The following TARDBP variants were observed in gnomAD, a reference collection of about 807,000 sequenced individuals.
TARDBP encodes TAR DNA binding protein.
Under a neutral mutation model 38.3 loss-of-function variants are expected in TARDBP, and 4 were observed. That is an observed-to-expected ratio of 0.10 (90% confidence interval 0.05 to 0.24). TARDBP has a LOEUF of 0.24. Ranked by LOEUF, TARDBP falls within the 10% of genes least tolerant of loss-of-function variation. The pLI is 1.00. For synonymous variants in TARDBP, 184 were observed against 183.8 expected, an observed-to-expected ratio of 1.00 and a Z score of -0.01; for missense variants, 202 against 521.9, an observed-to-expected ratio of 0.39 and a Z score of 5.97.
chr1:11,014,951 C>T (rs1021737013), intron 2 of TARDBP, among the ~76,000 whole-genome samples: 3 of 148,946 alleles, frequency 2.0e-5, no homozygotes, highest in African/African-American at 7.4e-5. Flanking sequence ...CAAAAAAAAA[C>T]GAAAACAAAA....
intron 5 of TARDBP, 64 bp downstream of exon 5, chr1:11,020,663 C>CT: frequency 6.8e-7 from 1 of 1,465,058 alleles, no homozygotes; most frequent in Non-Finnish European, 9.0e-7. Flanking sequence ...AATCCCAGCA[C>CT]TTTGGAGGCC....
chr1:11,026,821 G>A (rs1011130298), downstream of TARDBP: 66 of 1,377,158 alleles, frequency 4.8e-5, no homozygotes, highest in Middle Eastern at 3.9e-4. Flanking sequence ...CTCGAGCCAC[G>A]TCGCTGCCAA....
chr1:11,027,415 G>C, downstream of TARDBP: 1 of 1,614,208 alleles, frequency 6.2e-7, no homozygotes. Context: ...GACCAGGCTT[G>C]TGTATAATGA....
At chr1:11,013,231 C>A (rs182680162) in intron 1 of TARDBP, among the ~76,000 whole-genome samples, 4 of 152,344 alleles carry the variant, frequency 2.6e-5, no homozygotes, top group Admixed American at 2.6e-4. Context: ...TTCTCCTGTT[C>A]TTTACACCTG....
chr1:11,021,579 C>T (rs909847215), intron 5 of TARDBP, among the ~76,000 whole-genome samples: 2 of 151,946 alleles, frequency 1.3e-5, no homozygotes, highest in African/African-American at 2.4e-5. Context: ...CTCCTGCTCC[C>T]GGCCCATTTT....
chr1:11,027,782 T>A, downstream of TARDBP: 23 of 803,990 alleles, frequency 2.9e-5, no homozygotes, highest in Non-Finnish European at 4.5e-5. Context: ...GGTGACTACC[T>A]ATACAGGCAA....
chr1:11,013,580 G>T, intron 1 of TARDBP, 136 bp from the exon 2 acceptor site: 1 of 712,090 alleles, frequency 1.4e-6, no homozygotes. Flanking sequence ...ATTTTTCAGG[G>T]ATAACCAATG....
At chr1:11,028,354 TATGTAATC>T (rs1355851550), downstream of TARDBP, among the ~76,000 whole-genome samples, 1 of 152,214 alleles carries the variant, frequency 6.6e-6, no homozygotes, top group African/African-American at 2.4e-5. Flanking sequence ...AATGGGTATT[TATGTAATC>T]CTAGGAAAGC....
intron 3 of TARDBP, among the ~76,000 whole-genome samples, chr1:11,017,731 T>G (rs890419816): frequency 2.0e-5 from 3 of 152,204 alleles, no homozygotes; most frequent in African/African-American, 7.2e-5. Flanking sequence ...TAAATTTAGT[T>G]TATCTTTGAA....
In TARDBP at chr1:11,022,656, CAGTG is replaced by C; in HGVS notation, c.*3_*6del. 1 of 1,608,846 alleles carries C rather than the reference CAGTG, an allele frequency of 6.2e-7. No individual in the cohort carries two copies. The highest frequency in any genetic ancestry group is 1.1e-5 in the South Asian group (1 of 90,396). The stretch of plus-strand genomic sequence containing the variant: ...AAGTCTTCTGGCTGGGGAATGTAGA[CAGTG>C]GGGTTGTGGTTGGTTGGTATAGAAT... On this transcript the variant is annotated 3_prime_UTR_variant, in exon 6 of 6. Coordinates refer to ENST00000240185, the MANE Select transcript of TARDBP (RefSeq NM_007375.4). This position sits in a 1 kb window ranked among gnomAD's most constrained non-coding sequence, Gnocchi z 4.5.
chr1:11,016,431 C>T (rs1488612944), intron 2 of TARDBP, among the ~76,000 whole-genome samples: 4 of 152,290 alleles, frequency 2.6e-5, no homozygotes, highest in African/African-American at 9.6e-5. Flanking sequence ...GGCATACACA[C>T]CACTGTACCT....
In TARDBP at chr1:11,022,857, A is replaced by G. The variant is rs1232598529; in HGVS notation, c.*203A>G. ...AATTTTATAAGTTTTGTTACATGAA[A>G]GGTTGAAATATTGAGTGGTTGAAAG... On this transcript the variant is annotated 3_prime_UTR_variant, in exon 6 of 6. Transcript: ENST00000240185. The surrounding 1 kb of genome is among the most constrained non-coding windows in gnomAD (Gnocchi z 4.5). 3 of 1,370,836 alleles carry G rather than the reference A, an allele frequency of 2.2e-6. No homozygotes were observed. Among genetic ancestry groups the G allele is most frequent in the Admixed American group, 3.5e-5 (1 of 28,818 alleles). The allele number at this position is 1,370,836 out of a possible 1,614,324, so 84.9% of individuals were successfully genotyped here. A position where few individuals can be genotyped will look rare whatever the true frequency, so the allele number is the denominator to read the frequency against.
At chr1:11,028,706 C>CTTTTTTTTTTTTT (rs1184236433), downstream of TARDBP, among the ~76,000 whole-genome samples, 2 of 12,066 alleles carry the variant, frequency 1.7e-4, no homozygotes, top group Non-Finnish European at 4.6e-4. Context: ...GGTTTTTTTT[C>CTTTTTTTTTTTTT]TTTTTTTTTT....
At chr1:11,027,872 T>A (rs540911658), downstream of TARDBP, among the ~76,000 whole-genome samples, 1 of 152,340 alleles carries the variant, frequency 6.6e-6, no homozygotes, top group South Asian at 2.1e-4. Flanking sequence ...AAAATGAGAT[T>A]AGTGAAAACT....
chr1:11,019,154 C>CAT (rs1376131946), intron 4 of TARDBP: 1 of 447,250 alleles, frequency 2.2e-6, no homozygotes, highest in African/African-American at 2.0e-5. Context: ...TAGTTTCTTA[C>CAT]ATAGTTATAT....
downstream of TARDBP, chr1:11,027,291 CAAAT>C: frequency 6.2e-7 from 1 of 1,613,892 alleles, no homozygotes; most frequent in Non-Finnish European, 8.5e-7. Context: ...TCTTGGCAGA[CAAAT>C]AGGCGTGATG....
intron 1 of TARDBP, 69 bp from the exon 2 acceptor site, chr1:11,013,647 G>A: frequency 7.8e-7 from 1 of 1,286,496 alleles, no homozygotes. Context: ...CATGGTTTGG[G>A]TATTATCATT....
rs1464370249 is a variant in TARDBP at position 11,021,463 on chromosome 1, TA to T, written c.715-659del. Among the ~76,000 whole-genome samples the T allele has an allele frequency of 2.0e-5, 3 of 151,730 alleles. 1 individual carries two copies. The highest frequency in any genetic ancestry group is 6.6e-5 in the Admixed American group (1 of 15,240). The stretch of plus-strand genomic sequence containing the variant: ...GCCAGTTTTTTGTATCTTTAGTAGA[TA>T]ACGGGGTTTCACTGTTTTGATCTGG... On this transcript the variant is annotated intron_variant, in intron 5 of 5. Coordinates refer to ENST00000240185, the MANE Select transcript of TARDBP (RefSeq NM_007375.4).
intron 5 of TARDBP, 107 bp downstream of exon 5, chr1:11,020,706 G>C: frequency 8.5e-7 from 1 of 1,179,134 alleles, no homozygotes; most frequent in Non-Finnish European, 1.2e-6. Context: ...AGGAGATCAA[G>C]ACCATCCTGG....
Sources: gnomAD v4.1 joint callset for allele counts (sites outside exome capture counted in the v4.1 genomes callset) on GRCh38, gnomAD v4.1.1 for gene constraint, Gnocchi (gnomAD v3.1) non-coding constraint, MANE v1.5 for transcripts, NCBI Gene and HGNC (gene_info 2026-07-23, HGNC 2026-07-21) for gene names.